Variants in ACOXL observed in about 807,000 individuals in gnomAD.
ACOXL encodes the protein acyl-coenzyme A oxidase-like protein.
In ACOXL, 70 loss-of-function variants were observed where a neutral mutation model predicts 71.9. That is an observed-to-expected ratio of 0.97 (90% CI 0.80 to 1.19). The LOEUF (loss-of-function observed/expected upper bound fraction) is 1.19, where lower values mean the gene tolerates loss of function less well. ACOXL is among the 50% of genes most tolerant of loss of function. The pLI, the probability that ACOXL is intolerant of heterozygous loss-of-function variation, is 0.00. For synonymous variants in ACOXL, 253 were observed against 281.6 expected, an observed-to-expected ratio of 0.90 and a Z score of 1.02; for missense variants, 703 against 736.3, an observed-to-expected ratio of 0.95 and a Z score of 0.52.
rs1003302277 is a variant in ACOXL at position 110,857,268 on chromosome 2, C to T, written c.788+15863C>T. 1.4e-4 allele frequency among the ~76,000 whole-genome samples: 21 copies of T among 152,282 alleles called. 1 individual carries two copies. In the South Asian group the frequency reaches 2.1e-3, roughly 15 times the overall value. ...GTAGAAGATTGAGAAAAGGGGGACC[C>T]GTGTTTTCCCATATGTCATTTTTTA... On this transcript the variant is annotated intron_variant, in intron 10 of 17. Transcript: ENST00000439055.
chr2:110,976,298 G>C (rs1016218439), intron 12 of ACOXL, among the ~76,000 whole-genome samples: 1 of 152,332 alleles, frequency 6.6e-6, no homozygotes, highest in East Asian at 1.9e-4. Flanking sequence ...AGACTCTGGG[G>C]TGGGGGAATT....
chr2:110,771,306 G>A (rs983436452), intron 2 of ACOXL, among the ~76,000 whole-genome samples: 6 of 152,166 alleles, frequency 3.9e-5, no homozygotes, highest in African/African-American at 1.4e-4. Flanking sequence ...AATTCTAGAA[G>A]TGTTACATGA....
rs1451413101 is a variant in ACOXL at position 110,767,929 on chromosome 2, C to T, written c.-22-439C>T. Among the ~76,000 whole-genome samples the T allele has an allele frequency of 3.6e-4, 9 of 24,990 alleles. No homozygotes were observed. The South Asian group carries it at 0.011, about 32-fold the overall frequency. The allele number at this position is 24,990 out of a possible 152,430, so 16.4% of individuals were successfully genotyped here. A position where few individuals can be genotyped will look rare whatever the true frequency, so the allele number is the denominator to read the frequency against. On this transcript the variant is annotated intron_variant, in intron 1 of 17. Transcript: ENST00000439055. ...CGAAACCCTGTCTCTACTAAACACA[C>T]ACACACACACACACACACACACACA...
intron 9 of ACOXL, among the ~76,000 whole-genome samples, chr2:110,809,087 C>G (rs960890965): frequency 2.0e-5 from 3 of 152,276 alleles, no homozygotes; most frequent in African/African-American, 7.2e-5. Flanking sequence ...TACCAGCCCC[C>G]ACTGCCGGGT....
At position 111,048,246 on chromosome 2, in the gene ACOXL, T is replaced by C. The variant is rs181432098; in HGVS notation, c.1370-972T>C. On this transcript the variant is annotated intron_variant, in intron 15 of 17. Transcript: ENST00000439055. The stretch of plus-strand genomic sequence containing the variant: ...GGATGGGTGGGCTTGGGATGTTCAG[T>C]TGGAGGACTGAGTTTTGCTCTACTC... 1.3e-3 allele frequency among the ~76,000 whole-genome samples: 200 copies of C among 152,210 alleles called. 1 individual carries two copies. The highest frequency in any genetic ancestry group is 4.7e-3 in the African/African-American group (196 of 41,532).
intron 14 of ACOXL, among the ~76,000 whole-genome samples, chr2:111,014,520 A>C (rs1330305390): frequency 6.6e-6 from 1 of 152,180 alleles, no homozygotes; most frequent in Non-Finnish European, 1.5e-5. Flanking sequence ...TGTATGGGAA[A>C]ACTCCACATT....
intron 10 of ACOXL, among the ~76,000 whole-genome samples, chr2:110,851,829 C>T (rs557460801): frequency 3.9e-5 from 6 of 152,312 alleles, no homozygotes; most frequent in South Asian, 2.1e-4. Flanking sequence ...CCCAGAGATC[C>T]GGGAAATGGG....
At position 110,793,704 on chromosome 2, in the gene ACOXL, G is replaced by C; in HGVS notation, c.214G>C (p.Glu72Gln). The change falls in exon 4 of 18, where the codon GAA becomes CAA. Residue 72 changes from glutamate (E) to glutamine (Q), a missense_variant. Glu to Gln is a conservative substitution (Grantham distance 29). Transcript: ENST00000439055. ...GGAIRNLGSP[E>Q]HVTKWFQPLQ... ...TGCTATCAGGAATCTCGGAAGCCCTGAACATGTTACTAAGTGGTTTCAGCC... is the reference window on the plus strand; with the variant it reads ...TGCTATCAGGAATCTCGGAAGCCCTCAACATGTTACTAAGTGGTTTCAGCC... 1 of 1,614,160 alleles carries C rather than the reference G, an allele frequency of 6.2e-7. No homozygotes were observed. Among genetic ancestry groups the C allele is most frequent in the Non-Finnish European group, 8.5e-7 (1 of 1,180,016 alleles).
chr2:111,094,196 A>G (rs995744917), intron 17 of ACOXL: 6 of 152,234 alleles, frequency 3.9e-5, no homozygotes, highest in Non-Finnish European at 7.3e-5. Flanking sequence ...CAGGAACCAG[A>G]CTACAGTGGA....
At chr2:110,963,601 G>C (rs750943070) in intron 12 of ACOXL, 2 of 1,261,866 alleles carry the variant, frequency 1.6e-6, no homozygotes, top group Non-Finnish European at 2.0e-6. Context: ...GTGTGTGTGT[G>C]TGTTTTTCTC....
rs1350163318 is a variant in ACOXL, at chr2:111,118,126, G to A, written c.*310G>A. 7 of 483,250 alleles carry A rather than the reference G, an allele frequency of 1.4e-5. No individual in the cohort carries two copies. Among genetic ancestry groups the A allele is most frequent in the Middle Eastern group, 5.4e-4 (1 of 1,836 alleles). 29.9% of individuals were successfully genotyped at this position (483,250 alleles called of 1,614,324 possible). A position where few individuals can be genotyped will look rare whatever the true frequency, so the allele number is the denominator to read the frequency against. On this transcript the variant is annotated 3_prime_UTR_variant, in exon 18 of 18. Transcript: ENST00000439055. Reference sequence around the variant, plus strand: ...ACAATCAGGGTGGGCTCCCCGCTGCGAGCGCGCCCCACAGCCGGGTGCCGC... The same window carrying A: ...ACAATCAGGGTGGGCTCCCCGCTGCAAGCGCGCCCCACAGCCGGGTGCCGC...
At chr2:110,958,775 A>G (rs914781295) in intron 12 of ACOXL, among the ~76,000 whole-genome samples, 2 of 152,226 alleles carry the variant, frequency 1.3e-5, no homozygotes, top group African/African-American at 4.8e-5. Context: ...AATGCCACAG[A>G]GGACCCTGGG....
intron 13 of ACOXL, 152 bp downstream of exon 13, chr2:110,987,369 A>G (rs769164574): frequency 6.1e-6 from 4 of 656,816 alleles, no homozygotes; most frequent in Middle Eastern, 4.0e-4. Context: ...ATACTCATAC[A>G]CTCACTACCA....
At chr2:110,816,491 G>T (rs562130661) in intron 9 of ACOXL, among the ~76,000 whole-genome samples, 2 of 152,182 alleles carry the variant, frequency 1.3e-5, no homozygotes, top group Non-Finnish European at 2.9e-5. Context: ...TTGGACTTGT[G>T]CACCCCAGGG....
chr2:110,992,633 AC>A (rs2063223365), intron 13 of ACOXL, among the ~76,000 whole-genome samples: 1 of 152,186 alleles, frequency 6.6e-6, no homozygotes, highest in African/African-American at 2.4e-5. Context: ...CCTCCATGGG[AC>A]GAGGTAAGGC....
chr2:110,902,784 G>C (rs1311912455), intron 10 of ACOXL, among the ~76,000 whole-genome samples: 1 of 152,190 alleles, frequency 6.6e-6, no homozygotes, highest in Non-Finnish European at 1.5e-5. Flanking sequence ...CCAGAGAAGG[G>C]GGAGAAACAG....
At chr2:110,891,810 A>G (rs1697957729) in intron 10 of ACOXL, among the ~76,000 whole-genome samples, 1 of 152,028 alleles carries the variant, frequency 6.6e-6, no homozygotes, top group African/African-American at 2.4e-5. Context: ...GTGAGCTGCT[A>G]TGTCAGGTCC....
intron 10 of ACOXL, among the ~76,000 whole-genome samples, chr2:110,907,292 T>G (rs1267715330): frequency 6.6e-6 from 1 of 152,156 alleles, no homozygotes; most frequent in Non-Finnish European, 1.5e-5. Context: ...ATAGGATCCT[T>G]ACCACCTAAT....
At chr2:110,862,765 G>T (rs1386035656) in intron 10 of ACOXL, among the ~76,000 whole-genome samples, 1 of 152,196 alleles carries the variant, frequency 6.6e-6, no homozygotes, top group Non-Finnish European at 1.5e-5. Context: ...CCTCCTGGCC[G>T]AGTGAAACCC....
Sources: gnomAD v4.1 joint callset for allele counts (sites outside exome capture counted in the v4.1 genomes callset) on GRCh38, gnomAD v4.1.1 for gene constraint, MANE v1.5 for transcripts, NCBI Gene and HGNC (gene_info 2026-07-23, HGNC 2026-07-21) for gene names.